TRHDE: variants seen among roughly 807,000 people sequenced by gnomAD.
TRHDE encodes the protein thyrotropin-releasing hormone-degrading ectoenzyme.
In TRHDE, 72 loss-of-function variants were observed where a neutral mutation model predicts 125.7. The ratio of observed to expected loss-of-function variants is 0.57; its 90% CI spans 0.47 to 0.70. The LOEUF (loss-of-function observed/expected upper bound fraction) is 0.70. TRHDE is among the 30% of genes least tolerant of loss of function. The pLI is 0.00. For synonymous variants in TRHDE, 509 were observed against 509.1 expected, an observed-to-expected ratio of 1.00 and a Z score of 0.00; for missense variants, 1,110 against 1,327.1, an observed-to-expected ratio of 0.84 and a Z score of 2.54.
rs902306256 is a variant in TRHDE at position 72,370,694 on chromosome 12, C to T, written c.1189-7301C>T. Among the ~76,000 whole-genome samples the T allele has an allele frequency of 2.0e-5, 3 of 151,672 alleles. No individual in the cohort carries two copies. In the South Asian group the frequency reaches 6.2e-4, roughly 32 times the overall value. On this transcript the variant is annotated intron_variant, in intron 2 of 18. Coordinates refer to ENST00000261180, the MANE Select transcript of TRHDE (RefSeq NM_013381.3). ...TGAAACTAATTTTATCATGTTCTGG[C>T]TTAATATCCTCCTATGAATTCCCAC... is the stretch of plus-strand genomic sequence containing the variant.
intron 12 of TRHDE, among the ~76,000 whole-genome samples, chr12:72,614,239 G>C (rs1322367701): frequency 6.6e-6 from 1 of 151,276 alleles, no homozygotes; most frequent in African/African-American, 2.4e-5. Context: ...CTAATTTTAT[G>C]GGGCTACAAA....
intron 1 of TRHDE, among the ~76,000 whole-genome samples, chr12:72,092,099 C>G (rs117814397): frequency 7.9e-5 from 12 of 152,158 alleles, no homozygotes; most frequent in Admixed American, 6.5e-4. Context: ...GCAGCAGTGG[C>G]GGTTGGCCAC....
At chr12:72,246,692 C>T (rs897882076) in intron 2 of TRHDE, among the ~76,000 whole-genome samples, 5 of 152,202 alleles carry the variant, frequency 3.3e-5, no homozygotes, top group Admixed American at 2.0e-4. Flanking sequence ...TTCTATTCCT[C>T]TTGCTTTGGT....
chr12:72,602,319 C>G (rs551430541), intron 12 of TRHDE, among the ~76,000 whole-genome samples: 2 of 152,156 alleles, frequency 1.3e-5, no homozygotes, highest in African/African-American at 4.8e-5. Flanking sequence ...TAAAGAACTA[C>G]TGAAAAATAT....
chr12:72,420,797 G>A (rs1873919764), intron 3 of TRHDE, among the ~76,000 whole-genome samples: 1 of 152,096 alleles, frequency 6.6e-6, no homozygotes. Context: ...TCAACTATTA[G>A]TAGCTAAACT....
chr12:72,255,757 TAC>T (rs35992535), intron 2 of TRHDE: 26,052 of 152,190 alleles, frequency 0.17, 2,308 homozygotes, highest in Middle Eastern at 0.32. Context: ...CAGCACATTT[TAC>T]AGTTATTCTT....
intron 12 of TRHDE, among the ~76,000 whole-genome samples, chr12:72,598,492 A>G (rs1565805144): frequency 6.6e-6 from 1 of 152,176 alleles, no homozygotes; most frequent in Non-Finnish European, 1.5e-5. Flanking sequence ...AGTATCTTCA[A>G]GTGAGGCATA....
intron 12 of TRHDE, among the ~76,000 whole-genome samples, chr12:72,618,098 C>CAAG (rs1872894523): frequency 6.6e-6 from 1 of 152,036 alleles, no homozygotes; most frequent in African/African-American, 2.4e-5. Context: ...TTTGATTTTG[C>CAAG]AAGAATATTA....
At chr12:72,595,223 C>G (rs1871883519) in intron 12 of TRHDE, among the ~76,000 whole-genome samples, 1 of 151,258 alleles carries the variant, frequency 6.6e-6, no homozygotes, top group Admixed American at 6.6e-5. Context: ...TGTAACTAAC[C>G]TGCACATTGT....
chr12:72,148,996 A>AT (rs1592458845), intron 2 of TRHDE, among the ~76,000 whole-genome samples: 1 of 151,918 alleles, frequency 6.6e-6, no homozygotes, highest in Non-Finnish European at 1.5e-5. Context: ...ATTTCCTGAG[A>AT]TTTTTTTTAA....
chr12:72,626,647 C>G (rs1218899738), intron 15 of TRHDE, among the ~76,000 whole-genome samples: 1 of 151,946 alleles, frequency 6.6e-6, no homozygotes. Context: ...CATCCTTGCT[C>G]TTAATCAGTT....
intron 12 of TRHDE, among the ~76,000 whole-genome samples, chr12:72,589,877 A>G (rs2136046168): frequency 6.6e-6 from 1 of 151,542 alleles, no homozygotes; most frequent in African/African-American, 2.4e-5. Flanking sequence ...AAATTATTCT[A>G]TTTTCTATTT....
intron 2 of TRHDE, among the ~76,000 whole-genome samples, chr12:72,238,319 T>TATATATATATAC (rs1878394816): frequency 3.5e-5 from 1 of 28,694 alleles, no homozygotes; most frequent in Non-Finnish European, 7.7e-5. Context: ...TATATATATA[T>TATATATATATAC]ATACATATAT....
Position 72,301,520 on chromosome 12 carries a change from T to C in TRHDE, c.1188+14566T>C, listed in dbSNP as rs1453142004. Among the ~76,000 whole-genome samples, 3 of 151,744 alleles carry C rather than the reference T, an allele frequency of 2.0e-5. No individual in the cohort carries two copies. In the East Asian group the frequency reaches 5.8e-4, roughly 29 times the overall value. The stretch of plus-strand genomic sequence containing the variant: ...GTGTTTTTAGAAGGCTATAGAGGAG[T>C]CAAGCACAGGCTGAACAGAGACAGT... On this transcript the variant is annotated intron_variant, in intron 2 of 18. Coordinates refer to ENST00000261180, the MANE Select transcript of TRHDE (RefSeq NM_013381.3).
chr12:72,177,701 A>G (rs1319918827), intron 2 of TRHDE, among the ~76,000 whole-genome samples: 1 of 152,162 alleles, frequency 6.6e-6, no homozygotes, highest in Admixed American at 6.5e-5. Context: ...AATATTTTAA[A>G]CTGCACGGCT....
At chr12:72,122,369 G>A (rs80038869) in intron 2 of TRHDE, among the ~76,000 whole-genome samples, 5,285 of 152,254 alleles carry the variant, frequency 0.035, 169 homozygotes, top group South Asian at 0.11. Flanking sequence ...TAATTGATTA[G>A]TTGTGACATT....
intron 1 of TRHDE, among the ~76,000 whole-genome samples, chr12:72,284,721 C>G (rs939819004): frequency 1.3e-5 from 2 of 152,134 alleles, no homozygotes; most frequent in African/African-American, 4.8e-5. Context: ...GTCTGTGTAA[C>G]TTCAGACAAA....
intron 12 of TRHDE, among the ~76,000 whole-genome samples, chr12:72,614,150 C>T (rs1245226773): frequency 1.3e-5 from 2 of 151,784 alleles, no homozygotes; most frequent in African/African-American, 4.8e-5. Flanking sequence ...CAAACACCTC[C>T]CACCAGGCCC....
chr12:72,620,446 C>G (rs1050800588), intron 13 of TRHDE, among the ~76,000 whole-genome samples: 2 of 151,086 alleles, frequency 1.3e-5, no homozygotes, highest in Non-Finnish European at 2.9e-5. Flanking sequence ...TGGCTTGAAT[C>G]TGAGAGGCGG....
Sources: gnomAD v4.1 joint callset for allele counts (sites outside exome capture counted in the v4.1 genomes callset) on GRCh38, gnomAD v4.1.1 for gene constraint, MANE v1.5 for transcripts, NCBI Gene and HGNC (gene_info 2026-07-23, HGNC 2026-07-21) for gene names.